Variants in FARP1 observed in about 807,000 individuals in gnomAD.
FARP1 encodes the protein FERM, ARHGEF and pleckstrin domain-containing protein 1.
In FARP1, 52 loss-of-function variants were observed where a neutral mutation model predicts 128.8. The ratio of observed to expected loss-of-function variants is 0.40; its 90% CI spans 0.32 to 0.51. The LOEUF is 0.51. Among genes scored for constraint, FARP1 ranks in the 20% least tolerant of loss-of-function variants. FARP1 has a pLI of 0.45. For synonymous variants in FARP1, 580 were observed against 551.8 expected (o/e 1.05, Z -0.72); for missense variants, 1,333 against 1,367.9 (o/e 0.97, Z 0.40).
intron 2 of FARP1, among the ~76,000 whole-genome samples, chr13:98,227,134 G>C (rs984401320): frequency 1.3e-5 from 2 of 152,056 alleles, no homozygotes; most frequent in Non-Finnish European, 2.9e-5. Context: ...AGTAGAGACG[G>C]GGTTTCACTG....
intron 26 of FARP1, chr13:98,447,115 G>T: frequency 3.0e-6 from 1 of 329,786 alleles, no homozygotes; most frequent in Non-Finnish European, 5.7e-6. Context: ...CAGTGAGACT[G>T]CCTACATGGT....
At chr13:98,166,843 C>T (rs1877302848) in intron 1 of FARP1, among the ~76,000 whole-genome samples, 1 of 151,900 alleles carries the variant, frequency 6.6e-6, no homozygotes, top group Non-Finnish European at 1.5e-5. Flanking sequence ...CCTACCTCAG[C>T]CTCCTAAGAA....
At chr13:98,346,464 G>A (rs2139887636) in intron 3 of FARP1, among the ~76,000 whole-genome samples, 1 of 151,824 alleles carries the variant, frequency 6.6e-6, no homozygotes, top group Non-Finnish European at 1.5e-5. Context: ...TTCTTTTGAG[G>A]CCGGGTGTGG....
intron 1 of FARP1, among the ~76,000 whole-genome samples, chr13:98,168,185 AAAAT>A (rs1459478154): frequency 2.7e-5 from 4 of 147,670 alleles, no homozygotes; most frequent in Non-Finnish European, 5.9e-5. Flanking sequence ...AAAAAAAAAT[AAAAT>A]AAATAAATAA....
chr13:98,343,991 C>A (rs909013536), intron 3 of FARP1, 125 bp downstream of exon 3: 3 of 701,626 alleles, frequency 4.3e-6, no homozygotes, highest in Non-Finnish European at 7.5e-6. Flanking sequence ...TCTGTGAAGT[C>A]TTCAAATCTG....
At chr13:98,180,042 G>A (rs1454635337) in intron 1 of FARP1, among the ~76,000 whole-genome samples, 1 of 152,134 alleles carries the variant, frequency 6.6e-6, no homozygotes, top group African/African-American at 2.4e-5. Flanking sequence ...GCTAGGGAAA[G>A]GCTAGGGAAA....
intron 2 of FARP1, among the ~76,000 whole-genome samples, chr13:98,251,911 A>T (rs945200000): frequency 1.4e-4 from 22 of 152,160 alleles, no homozygotes; most frequent in Admixed American, 3.3e-4. Context: ...GCAGTGACGC[A>T]ATCTTGGCTC....
chr13:98,162,841 G>A (rs548265074), intron 1 of FARP1, among the ~76,000 whole-genome samples: 11 of 152,236 alleles, frequency 7.2e-5, no homozygotes, highest in Admixed American at 2.0e-4. Context: ...GCGAGGTTGC[G>A]GAGAATAAGG....
At position 98,414,682 on chromosome 13, in the gene FARP1, G is replaced by C. The variant is rs144673201; in HGVS notation, c.1826+2648G>C. On this transcript the variant is annotated intron_variant, in intron 16 of 26. Coordinates refer to ENST00000319562, the MANE Select transcript of FARP1 (RefSeq NM_005766.4). ...CAGGTGATTCCAAAGTGTAGCCAAG[G>C]TCAAGAACATTTGCCCTAAAATGCC... 2.5e-3 allele frequency among the ~76,000 whole-genome samples: 385 copies of C among 152,286 alleles called. 4 individuals are homozygous for C. The highest frequency in any genetic ancestry group is 8.6e-3 in the African/African-American group (357 of 41,568).
chr13:98,351,776 AGGC>A (rs767884142), intron 3 of FARP1, among the ~76,000 whole-genome samples: 48 of 151,968 alleles, frequency 3.2e-4, no homozygotes, highest in Non-Finnish European at 5.9e-4. Flanking sequence ...GGGGGTGGGG[AGGC>A]ACCACACACA....
intron 2 of FARP1, chr13:98,244,980 G>T (rs1882983445): frequency 2.5e-6 from 3 of 1,203,988 alleles, no homozygotes; most frequent in Non-Finnish European, 3.1e-6. Flanking sequence ...GCTGTGGGTT[G>T]TTTGCCACTA....
At chr13:98,409,826 G>A in intron 14 of FARP1, among the ~76,000 whole-genome samples, 1 of 152,120 alleles carries the variant, frequency 6.6e-6, no homozygotes, top group East Asian at 1.9e-4. Flanking sequence ...CCTACTCTAG[G>A]TACCTCATAT....
chr13:98,151,143 A>G (rs1197861737), intron 1 of FARP1, among the ~76,000 whole-genome samples: 1 of 152,036 alleles, frequency 6.6e-6, no homozygotes, highest in African/African-American at 2.4e-5. Context: ...AGGTGAGTAC[A>G]GTGCATTAAG....
chr13:98,415,313 C>T (rs1470030017), intron 16 of FARP1, among the ~76,000 whole-genome samples: 2 of 152,214 alleles, frequency 1.3e-5, no homozygotes, highest in Non-Finnish European at 2.9e-5. Flanking sequence ...ACCTTTTCTG[C>T]AACAACCGAC....
At chr13:98,210,732 G>A in intron 1 of FARP1, among the ~76,000 whole-genome samples, 1 of 151,996 alleles carries the variant, frequency 6.6e-6, no homozygotes, top group South Asian at 2.1e-4. Context: ...TGTATTTTTA[G>A]TAGAGACGGG....
rs781221529 is a variant in FARP1 at position 98,448,285 on chromosome 13, G to A, written c.3106G>A (p.Val1036Met). 2.8e-5 allele frequency: 46 copies of A among 1,614,076 alleles called. No individual in the cohort carries two copies. The East Asian group carries it at 2.9e-4, about 10-fold the overall frequency. The change falls in exon 27 of 27, where the codon GTG (valine) becomes ATG (methionine). Residue 1036 changes from valine to methionine, a missense_variant. This residue lies in a region of FARP1 where 1,009 missense variants were observed against 969.8 expected (regional missense o/e 1.04). Transcript: ENST00000319562. Reference protein sequence around the residue: ...SATSSASRPHVLSHKESLVY With the variant: ...SATSSASRPHMLSHKESLVY The stretch of plus-strand genomic sequence containing the variant: ...CACCAGCTCTGCCTCGCGACCCCAC[G>A]TGTTGAGTCACAAAGAGTCTCTTGT...
At chr13:98,385,951 C>T in intron 8 of FARP1, 137 bp downstream of exon 8, 2 of 850,556 alleles carry the variant, frequency 2.4e-6, no homozygotes, top group South Asian at 3.6e-5. Context: ...TTAACCTCAT[C>T]TCAGGCTTTC....
chr13:98,229,739 G>C (rs1345648106), intron 2 of FARP1, among the ~76,000 whole-genome samples: 2 of 142,644 alleles, frequency 1.4e-5, no homozygotes, highest in East Asian at 4.1e-4. Context: ...CCAAGCTTCA[G>C]TTCTTTTTTT....
chr13:98,179,768 A>G (rs1162447202), intron 1 of FARP1, among the ~76,000 whole-genome samples: 1 of 152,034 alleles, frequency 6.6e-6, no homozygotes, highest in African/African-American at 2.4e-5. Flanking sequence ...GAGGCAGGAG[A>G]ATGGCGTGAA....
Sources: gnomAD v4.1 joint callset for allele counts (sites outside exome capture counted in the v4.1 genomes callset) on GRCh38, gnomAD v4.1.1 for gene constraint, gnomAD v4.1.1 regional missense constraint, MANE v1.5 for transcripts, NCBI Gene and HGNC (gene_info 2026-07-23, HGNC 2026-07-21) for gene names.